Variants in PAIP2 observed in about 807,000 individuals in gnomAD.
PAIP2 encodes poly(A) binding protein interacting protein 2, also known as polyadenylate-binding protein-interacting protein 2.
Under a neutral mutation model 14.8 loss-of-function variants are expected in PAIP2, and 7 were observed. That is an observed-to-expected ratio of 0.47 (90% CI 0.27 to 0.89). PAIP2 has a LOEUF of 0.89. PAIP2 is among the 40% of genes least tolerant of loss of function. The pLI is 0.13. For missense variants in PAIP2, 122 were observed against 154.7 expected (o/e 0.79, Z 1.12); for synonymous variants, 47 against 45.3 (o/e 1.04, Z -0.15).
intron 1 of PAIP2, among the ~76,000 whole-genome samples, chr5:139,355,053 C>T (rs866653469): frequency 3.9e-5 from 6 of 152,006 alleles, no homozygotes; most frequent in South Asian, 2.1e-4. Context: ...CTCCTGACCT[C>T]GTGATCCTCC....
intron 1 of PAIP2, among the ~76,000 whole-genome samples, chr5:139,347,566 G>T (rs1407741149): frequency 5.9e-5 from 9 of 151,934 alleles, no homozygotes; most frequent in Non-Finnish European, 1.2e-4. Context: ...GAGCCACCAC[G>T]CCAGGCCATA....
intron 1 of PAIP2, among the ~76,000 whole-genome samples, chr5:139,347,138 T>C (rs1055317769): frequency 3.3e-5 from 5 of 151,958 alleles, no homozygotes; most frequent in Non-Finnish European, 7.4e-5. Flanking sequence ...GGAAAGAAAA[T>C]TGATTTTCTA....
chr5:139,349,982 CAG>C (rs1205998019), intron 1 of PAIP2, among the ~76,000 whole-genome samples: 1 of 149,554 alleles, frequency 6.7e-6, no homozygotes, highest in African/African-American at 2.5e-5. Flanking sequence ...AGCCTGGCGA[CAG>C]AGTGAGACTC....
chr5:139,352,150 A>G (rs1756752303), intron 1 of PAIP2, among the ~76,000 whole-genome samples: 1 of 151,726 alleles, frequency 6.6e-6, no homozygotes, highest in South Asian at 2.1e-4. Flanking sequence ...TGCAAGTATA[A>G]TACAGTATTC....
chr5:139,350,106 C>G (rs1402788074), intron 1 of PAIP2, among the ~76,000 whole-genome samples: 1 of 149,958 alleles, frequency 6.7e-6, no homozygotes, highest in African/African-American at 2.5e-5. Flanking sequence ...ACCCTGGAGG[C>G]AGAGACTGCA....
At chr5:139,344,710 G>A (rs987459302) in intron 1 of PAIP2, among the ~76,000 whole-genome samples, 1 of 152,092 alleles carries the variant, frequency 6.6e-6, no homozygotes, top group African/African-American at 2.4e-5. Context: ...TATCAGTTAG[G>A]ATGACCCATT....
chr5:139,363,959 T>G, intron 2 of PAIP2, 37 bp downstream of exon 2: 1 of 1,582,586 alleles, frequency 6.3e-7, no homozygotes, highest in African/African-American at 1.3e-5. Flanking sequence ...TATAGTCCAT[T>G]CTGGCCCTCA....
chr5:139,354,393 T>C (rs895171572), intron 1 of PAIP2, among the ~76,000 whole-genome samples: 6 of 152,214 alleles, frequency 3.9e-5, no homozygotes, highest in Admixed American at 2.6e-4. Flanking sequence ...TTAATCTTAT[T>C]GAGGATCCCT....
chr5:139,364,840 C>T, intron 3 of PAIP2, 97 bp downstream of exon 3: 1 of 806,280 alleles, frequency 1.2e-6, no homozygotes, highest in Non-Finnish European at 2.0e-6. Flanking sequence ...CATCTCTTTC[C>T]CCTTCAGAAA....
At chr5:139,342,285 T>G (rs181749178) in intron 1 of PAIP2, among the ~76,000 whole-genome samples, 191 of 152,212 alleles carry the variant, frequency 1.3e-3, no homozygotes, top group African/African-American at 3.6e-3. Flanking sequence ...TTTCTCCTGT[T>G]CCTCATTCTC....
At chr5:139,353,003 C>G (rs1349260474) in intron 1 of PAIP2, among the ~76,000 whole-genome samples, 2 of 151,686 alleles carry the variant, frequency 1.3e-5, no homozygotes, top group Non-Finnish European at 2.9e-5. Flanking sequence ...GTAATCCCAG[C>G]TGCTCCGGAG....
chr5:139,348,389 C>CT (rs1756622722), intron 1 of PAIP2, among the ~76,000 whole-genome samples: 1 of 150,282 alleles, frequency 6.7e-6, no homozygotes, highest in Non-Finnish European at 1.5e-5. Flanking sequence ...GAGTCTCACT[C>CT]TGTCGCCCAA....
At chr5:139,346,926 C>T (rs1434990497) in intron 1 of PAIP2, among the ~76,000 whole-genome samples, 1 of 152,236 alleles carries the variant, frequency 6.6e-6, no homozygotes, top group Non-Finnish European at 1.5e-5. Flanking sequence ...GCTCCTGCCT[C>T]AGGCTCCCGA....
intron 1 of PAIP2, among the ~76,000 whole-genome samples, chr5:139,362,247 G>C (rs1339876536): frequency 6.6e-6 from 1 of 152,034 alleles, no homozygotes; most frequent in Non-Finnish European, 1.5e-5. Context: ...TTGAGGTGGA[G>C]TTTCCCTCTG....
intron 1 of PAIP2, among the ~76,000 whole-genome samples, chr5:139,352,503 T>TTTTTTTTTTTTTTTTTTTTTTTTG (rs1422182919): frequency 1.9e-4 from 24 of 124,456 alleles, no homozygotes; most frequent in Non-Finnish European, 3.7e-4. Context: ...TTTTTTGTTG[T>TTTTTTTTTTTTTTTTTTTTTTTTG]TTTTTTTTTT....
chr5:139,343,708 G>GTTT (rs61419083), intron 1 of PAIP2, among the ~76,000 whole-genome samples: 34 of 130,924 alleles, frequency 2.6e-4, no homozygotes, highest in Non-Finnish European at 3.4e-4. Flanking sequence ...GGCAGAGCAA[G>GTTT]TTTTTTTTTT....
chr5:139,345,422 G>A (rs888673666), intron 1 of PAIP2, among the ~76,000 whole-genome samples: 6 of 152,070 alleles, frequency 3.9e-5, no homozygotes, highest in African/African-American at 1.2e-4. Context: ...CTTCAGAGTG[G>A]AAAACAGACC....
chr5:139,363,863 G>A lies in PAIP2; in HGVS notation c.79G>A (p.Asp27Asn). 6.2e-7 allele frequency: 1 copy of A among 1,613,510 alleles called. No individual in the cohort carries two copies. Among genetic ancestry groups the A allele is most frequent in the Non-Finnish European group, 8.5e-7 (1 of 1,179,408 alleles). Residue 27 changes from aspartate (D) to asparagine (N), a missense_variant, in exon 2 of 4, where the codon GAT (aspartate) becomes AAT (asparagine). This residue lies in a region of PAIP2 where 42 missense variants were observed against 36.7 expected (regional missense o/e 1.15). Transcript: ENST00000265192. Reference sequence around the variant, plus strand: ...GATTATTAACGGTCATTCTCATGAAGATGACAATCCATTTGCAGAGTACAT... The same window carrying A: ...GATTATTAACGGTCATTCTCATGAAAATGACAATCCATTTGCAGAGTACAT... ...DVIINGHSHE[D>N]DNPFAEYMWM...
intron 1 of PAIP2, among the ~76,000 whole-genome samples, chr5:139,358,716 T>A (rs1217978383): frequency 6.6e-6 from 1 of 152,184 alleles, no homozygotes; most frequent in Non-Finnish European, 1.5e-5. Context: ...ACAACATAGG[T>A]GAACCTTGAA....
Sources: allele counts gnomAD v4.1 joint callset (sites outside exome capture counted in the v4.1 genomes callset), GRCh38; gene constraint gnomAD v4.1.1; regional missense constraint gnomAD v4.1.1; transcripts MANE v1.5; gene names NCBI Gene and HGNC (gene_info 2026-07-23, HGNC 2026-07-21).